Variants in METTL6 observed in about 807,000 individuals in gnomAD.
METTL6 encodes tRNA N(3)-cytidine methyltransferase METTL6.
A neutral mutation model predicts 26.4 loss-of-function variants in METTL6; 22 were observed. The observed-to-expected ratio is 0.83, with a 90% CI of 0.59 to 1.19. The LOEUF (loss-of-function observed/expected upper bound fraction) is 1.19. Ranked by LOEUF, METTL6 falls within the 50% of genes most tolerant of loss-of-function variation. The pLI, the probability that METTL6 is intolerant of heterozygous loss-of-function variation, is 0.00. For synonymous variants in METTL6, 109 were observed against 116.2 expected (o/e 0.94, Z 0.40); for missense variants, 304 against 324.8 (o/e 0.94, Z 0.49).
At chr3:15,403,548 C>T (rs2124937958) in intron 6 of METTL6, among the ~76,000 whole-genome samples, 1 of 152,250 alleles carries the variant, frequency 6.6e-6, no homozygotes, top group African/African-American at 2.4e-5. Context: ...AGCGTTTCTT[C>T]CTCTTTTTCC....
At chr3:15,382,050 CTT>C (rs11338615) in exon 7 of METTL6, 92 of 136,158 alleles carry the variant, frequency 6.8e-4, no homozygotes, top group Middle Eastern at 3.7e-3. Flanking sequence ...TTCTTTGGTT[CTT>C]TTTTTTTTTT....
downstream of METTL6, among the ~76,000 whole-genome samples, chr3:15,409,687 C>A (rs149068374): frequency 1.4e-4 from 21 of 152,228 alleles, no homozygotes; most frequent in African/African-American, 3.4e-4. Context: ...CTCTCTCCCC[C>A]CCAGGGCAAA....
In METTL6 at chr3:15,426,503, A is replaced by G. The variant is rs1391017442; in HGVS notation, c.9T>C (p.Ser3=). The G allele has an allele frequency of 4.3e-6, 7 of 1,613,434 alleles. No homozygotes were observed. Among genetic ancestry groups the G allele is most frequent in the Non-Finnish European group, 5.1e-6 (6 of 1,179,896 alleles). Residue 3 remains serine (S), a synonymous_variant, in exon 2 of 6, where the codon TCT becomes TCC. Transcript: ENST00000383790. MA[S]LQRKGLQARI... The stretch of plus-strand genomic sequence containing the variant: ...TTGCCTGCAGCCCTTTCCTTTGCAA[A>G]GAAGCCATCTCTGAAACTGACGGTA...
chr3:15,419,631 T>C (rs2061563628), intron 3 of METTL6, among the ~76,000 whole-genome samples: 1 of 152,130 alleles, frequency 6.6e-6, no homozygotes, highest in Non-Finnish European at 1.5e-5. Context: ...ACATTATTGG[T>C]GAAATTATAA....
chr3:15,411,558 G>T, intron 5 of METTL6, 121 bp from the exon 6 acceptor site: 2 of 969,702 alleles, frequency 2.1e-6, no homozygotes, highest in Non-Finnish European at 2.9e-6. Flanking sequence ...AAACCTCAAT[G>T]CTAAAATTTA....
At chr3:15,408,478 G>A (rs886260085), downstream of METTL6, among the ~76,000 whole-genome samples, 12 of 151,280 alleles carry the variant, frequency 7.9e-5, no homozygotes, top group African/African-American at 1.2e-4. Context: ...GGTTCAAACA[G>A]GTTAAGGAAT....
At chr3:15,383,074 T>C (rs1273807209) in exon 7 of METTL6, 1 of 152,174 alleles carries the variant, frequency 6.6e-6, no homozygotes, top group Non-Finnish European at 1.5e-5. Flanking sequence ...GTGACCATAG[T>C]CAATAATAAT....
At chr3:15,393,964 T>C (rs1699417940) in intron 6 of METTL6, among the ~76,000 whole-genome samples, 1 of 152,344 alleles carries the variant, frequency 6.6e-6, no homozygotes, top group African/African-American at 2.4e-5. Flanking sequence ...TTCTCTTCTT[T>C]TGTTGTGTCT....
intron 6 of METTL6, among the ~76,000 whole-genome samples, chr3:15,401,254 T>C (rs1485804571): frequency 6.6e-6 from 1 of 152,040 alleles, no homozygotes; most frequent in Non-Finnish European, 1.5e-5. Flanking sequence ...TTAGCCAGGA[T>C]GGTCTCGATC....
chr3:15,415,436 C>A, intron 4 of METTL6: 1 of 1,470,264 alleles, frequency 6.8e-7, no homozygotes, highest in Non-Finnish European at 9.2e-7. Flanking sequence ...GGATTACAGG[C>A]ATGAAACACC....
At chr3:15,416,029 T>C (rs1700191136) in intron 3 of METTL6, 87 bp from the exon 4 acceptor site, 2 of 1,172,582 alleles carry the variant, frequency 1.7e-6, no homozygotes. Context: ...GGCGATCCAA[T>C]TTCCACTTGT....
chr3:15,393,481 C>G (rs1699403750), intron 6 of METTL6, among the ~76,000 whole-genome samples: 2 of 152,078 alleles, frequency 1.3e-5, no homozygotes, highest in African/African-American at 4.8e-5. Flanking sequence ...GATTGAATAC[C>G]CTTTATTTCT....
chr3:15,420,539 A>C (rs1360567532), intron 3 of METTL6, among the ~76,000 whole-genome samples: 1 of 152,200 alleles, frequency 6.6e-6, no homozygotes, highest in African/African-American at 2.4e-5. Flanking sequence ...TCAGGAGAAA[A>C]GGAGGAGAAT....
In METTL6 at chr3:15,427,451, C is replaced by A; in HGVS notation, c.-174G>T. 5.7e-6 allele frequency: 2 copies of A among 348,698 alleles called. No individual in the cohort carries two copies. The highest frequency in any genetic ancestry group is 5.3e-5 in the South Asian group (2 of 37,672). 21.6% of individuals were successfully genotyped at this position (348,698 alleles called of 1,614,324 possible). On this transcript the variant is annotated 5_prime_UTR_variant, in exon 1 of 6. Transcript: ENST00000383790. ...CGGAGGCAGAATACGGGAAGAACCG[C>A]GAAACAACCCTAAACCAATTCTGAG...
intron 3 of METTL6, among the ~76,000 whole-genome samples, chr3:15,417,726 T>C (rs1036680101): frequency 6.6e-6 from 1 of 152,148 alleles, no homozygotes; most frequent in Non-Finnish European, 1.5e-5. Flanking sequence ...ATGACAATTA[T>C]GAGTGAGGAA....
intron 6 of METTL6, among the ~76,000 whole-genome samples, chr3:15,392,208 G>T (rs1462383178): frequency 6.6e-6 from 1 of 152,174 alleles, no homozygotes; most frequent in African/African-American, 2.4e-5. Flanking sequence ...GTGTGAGATG[G>T]TATCTCATTG....
intron 6 of METTL6, among the ~76,000 whole-genome samples, chr3:15,386,673 G>A (rs1291391750): frequency 6.6e-6 from 1 of 152,168 alleles, no homozygotes; most frequent in Non-Finnish European, 1.5e-5. Context: ...AGTGTTCCCA[G>A]AGGAAGGTCA....
intron 5 of METTL6, among the ~76,000 whole-genome samples, chr3:15,412,663 T>TA (rs1236550142): frequency 6.6e-6 from 1 of 151,948 alleles, no homozygotes; most frequent in Non-Finnish European, 1.5e-5. Flanking sequence ...TTTTTTTTTT[T>TA]TTATTTTTAG....
rs114295778 is a variant in METTL6 at position 15,425,922 on chromosome 3, T to C, written c.225+365A>G. On this transcript the variant is annotated intron_variant, in intron 2 of 5. Transcript: ENST00000383790. ...CTCTACTTCGCACTCTCCCTAGGAA[T>C]GCAATACAGCACACCTCTTCACATT... Among the ~76,000 whole-genome samples, 823 of 152,326 alleles carry C rather than the reference T, an allele frequency of 5.4e-3. 8 individuals carry two copies. The highest frequency in any genetic ancestry group is 0.019 in the African/African-American group (784 of 41,576).
Sources: gnomAD v4.1 joint callset for allele counts (sites outside exome capture counted in the v4.1 genomes callset) on GRCh38, gnomAD v4.1.1 for gene constraint, MANE v1.5 for transcripts, NCBI Gene and HGNC (gene_info 2026-07-23, HGNC 2026-07-21) for gene names.